The following MAP4K4 variants were observed in gnomAD, a reference collection of about 807,000 sequenced individuals.
The protein encoded by MAP4K4 is HPK/GCK-like kinase HGK.
MAP4K4 carries 38 observed loss-of-function variants against 189.6 expected under a neutral mutation model. That is an observed-to-expected ratio of 0.20 (90% CI 0.15 to 0.26). The LOEUF (loss-of-function observed/expected upper bound fraction) is 0.26, where lower values mean the gene tolerates loss of function less well. Ranked by LOEUF, MAP4K4 falls within the 10% of genes least tolerant of loss-of-function variation. The pLI is 1.00. For missense variants in MAP4K4, 1,054 were observed against 1,726.9 expected (o/e 0.61, Z 6.91); for synonymous variants, 610 against 624.3 (o/e 0.98, Z 0.34).
At chr2:101,843,661 A>T (rs893888641) in intron 11 of MAP4K4, among the ~76,000 whole-genome samples, 2 of 152,118 alleles carry the variant, frequency 1.3e-5, no homozygotes, top group African/African-American at 4.8e-5. Context: ...ACCTGGAAAT[A>T]AGAAAGTGGG....
chr2:101,698,372 C>T, intron 1 of MAP4K4, 101 bp from the exon 2 acceptor site: 2 of 1,152,018 alleles, frequency 1.7e-6, no homozygotes, highest in Admixed American at 3.5e-5. Context: ...GGGCGAAGCC[C>T]ACCTCTTTTG....
At chr2:101,855,847 G>A (rs1443883576) in intron 12 of MAP4K4, 130 bp from the exon 13 acceptor site, 3 of 774,080 alleles carry the variant, frequency 3.9e-6, no homozygotes, top group African/African-American at 3.5e-5. Flanking sequence ...GAAATAATTG[G>A]CCAGTAGATA....
At chr2:101,734,096 C>T (rs1326260574) in intron 2 of MAP4K4, among the ~76,000 whole-genome samples, 1 of 152,088 alleles carries the variant, frequency 6.6e-6, no homozygotes, top group African/African-American at 2.4e-5. Flanking sequence ...ATTACTGACA[C>T]TATTGATAGA....
At chr2:101,782,068 T>A (rs1260372336) in intron 2 of MAP4K4, among the ~76,000 whole-genome samples, 1 of 152,232 alleles carries the variant, frequency 6.6e-6, no homozygotes, top group Non-Finnish European at 1.5e-5. Flanking sequence ...TTAGTGATCA[T>A]AATGATTTCC....
chr2:101,832,092 C>T (rs1236441788), intron 7 of MAP4K4, among the ~76,000 whole-genome samples: 2 of 152,200 alleles, frequency 1.3e-5, no homozygotes, highest in Admixed American at 1.3e-4. Context: ...CAGTCTGGAG[C>T]ACTTTGTTGT....
intron 28 of MAP4K4, among the ~76,000 whole-genome samples, chr2:101,884,116 A>G (rs145424232): frequency 7.2e-5 from 11 of 152,376 alleles, no homozygotes; most frequent in African/African-American, 2.4e-4. Context: ...CCTGTCACTC[A>G]TACAGAATGA....
chr2:101,723,621 A>G (rs543191528), intron 2 of MAP4K4, among the ~76,000 whole-genome samples: 64 of 152,318 alleles, frequency 4.2e-4, no homozygotes, highest in African/African-American at 1.5e-3. Context: ...GGGTAAGTCT[A>G]GAGTTTTCAC....
intron 26 of MAP4K4, among the ~76,000 whole-genome samples, chr2:101,875,694 A>G (rs1002653102): frequency 2.6e-5 from 4 of 152,178 alleles, no homozygotes; most frequent in African/African-American, 7.2e-5. Context: ...TATGTGCCCA[A>G]TTCCCTAGGA....
chr2:101,889,180 A>G (rs1261737526), intron 32 of MAP4K4, among the ~76,000 whole-genome samples: 3 of 152,188 alleles, frequency 2.0e-5, no homozygotes, highest in African/African-American at 4.8e-5. Flanking sequence ...ATGTATTTTT[A>G]ACTCTATTAG....
At chr2:101,874,702 T>C (rs1460914583) in intron 26 of MAP4K4, among the ~76,000 whole-genome samples, 2 of 152,236 alleles carry the variant, frequency 1.3e-5, no homozygotes, top group Non-Finnish European at 2.9e-5. Context: ...TGCAACCCAG[T>C]GTTTTTCATT....
intron 12 of MAP4K4, among the ~76,000 whole-genome samples, chr2:101,849,329 T>C (rs1469084025): frequency 6.6e-6 from 1 of 152,026 alleles, no homozygotes; most frequent in Non-Finnish European, 1.5e-5. Flanking sequence ...GGTTTCACCA[T>C]TGTTGGCCAG....
At chr2:101,889,773 C>T (rs2098539494) in intron 32 of MAP4K4, among the ~76,000 whole-genome samples, 1 of 142,544 alleles carries the variant, frequency 7.0e-6, no homozygotes, top group Non-Finnish European at 1.5e-5. Context: ...GCAGTCAGCC[C>T]AGTTCTCAGA....
intron 2 of MAP4K4, among the ~76,000 whole-genome samples, chr2:101,742,262 A>C (rs941532374): frequency 6.6e-6 from 1 of 152,222 alleles, no homozygotes; most frequent in Non-Finnish European, 1.5e-5. Flanking sequence ...AGGTACAGGC[A>C]GGTTCTGACC....
chr2:101,713,200 G>A (rs924959205), intron 2 of MAP4K4, among the ~76,000 whole-genome samples: 10 of 152,102 alleles, frequency 6.6e-5, no homozygotes, highest in Admixed American at 5.2e-4. Flanking sequence ...GAACCACTGC[G>A]CCTGGCCTTA....
At chr2:101,748,786 A>C (rs536473322) in intron 2 of MAP4K4, among the ~76,000 whole-genome samples, 105 of 151,650 alleles carry the variant, frequency 6.9e-4, no homozygotes, top group African/African-American at 2.5e-3. Flanking sequence ...AAATCTCCTT[A>C]AGCTGATAAG....
chr2:101,855,375 T>G (rs2097420840), intron 12 of MAP4K4, among the ~76,000 whole-genome samples: 1 of 152,190 alleles, frequency 6.6e-6, no homozygotes, highest in South Asian at 2.1e-4. Context: ...TTCCTTGGGT[T>G]GTTAGGAGAA....
At chr2:101,763,826 C>G (rs1460129109) in intron 2 of MAP4K4, among the ~76,000 whole-genome samples, 2 of 152,036 alleles carry the variant, frequency 1.3e-5, no homozygotes, top group African/African-American at 4.8e-5. Flanking sequence ...TCGGAAATGC[C>G]TTTAACTTAA....
intron 27 of MAP4K4, among the ~76,000 whole-genome samples, chr2:101,877,776 G>A (rs1381052958): frequency 2.0e-5 from 3 of 150,564 alleles, no homozygotes; most frequent in Non-Finnish European, 3.0e-5. Flanking sequence ...TTGAGACGGA[G>A]TCTCACTCTG....
intron 12 of MAP4K4, among the ~76,000 whole-genome samples, chr2:101,855,514 C>T (rs924832432): frequency 6.6e-6 from 1 of 152,122 alleles, no homozygotes; most frequent in African/African-American, 2.4e-5. Flanking sequence ...CCTGGTTATT[C>T]TTGTTGACGT....
Sources: gnomAD v4.1 joint callset for allele counts (sites outside exome capture counted in the v4.1 genomes callset) on GRCh38, gnomAD v4.1.1 for gene constraint, MANE v1.5 for transcripts, NCBI Gene and HGNC (gene_info 2026-07-23, HGNC 2026-07-21) for gene names.